Variants in UFL1 observed in about 807,000 individuals in gnomAD.
The protein encoded by UFL1 is E3 UFM1-protein ligase 1.
Under a neutral mutation model 99.3 loss-of-function variants are expected in UFL1, and 78 were observed. That is an observed-to-expected ratio of 0.79 (90% confidence interval 0.65 to 0.95). The LOEUF is 0.95. Among genes scored for constraint, UFL1 ranks in the 40% least tolerant of loss-of-function variants. The probability of loss-of-function intolerance (pLI) is 0.00; values close to 1 mark genes in which losing one functional copy is unlikely to be tolerated. For missense variants in UFL1, 936 were observed against 937.0 expected (o/e 1.00, Z 0.01); for synonymous variants, 335 against 322.2 (o/e 1.04, Z -0.42).
At chr6:96,534,169 T>C in intron 6 of UFL1, 94 bp from the exon 7 acceptor site, 1 of 819,086 alleles carries the variant, frequency 1.2e-6, no homozygotes, top group South Asian at 4.1e-5. Context: ...TTAAACAGTA[T>C]TTTTCTTAAA....
At chr6:96,530,881 G>A (rs1200255277) in intron 6 of UFL1, among the ~76,000 whole-genome samples, 2 of 152,274 alleles carry the variant, frequency 1.3e-5, no homozygotes, top group African/African-American at 4.8e-5. Flanking sequence ...TCTCAAAGTA[G>A]ACAAGCTAGC....
intron 12 of UFL1, among the ~76,000 whole-genome samples, chr6:96,546,512 A>G (rs1391593206): frequency 6.6e-6 from 1 of 151,532 alleles, no homozygotes; most frequent in African/African-American, 2.4e-5. Context: ...TTAGAAAAAT[A>G]CACTCCTAAA....
intron 12 of UFL1, among the ~76,000 whole-genome samples, chr6:96,543,260 T>C (rs774058556): frequency 6.6e-6 from 1 of 151,134 alleles, no homozygotes; most frequent in Non-Finnish European, 1.5e-5. Context: ...ATAAAGTAGC[T>C]CTTCAGTCCA....
intron 1 of UFL1, 75 bp from the exon 2 acceptor site, chr6:96,523,071 C>A: frequency 7.1e-7 from 1 of 1,412,298 alleles, no homozygotes. Flanking sequence ...AGCCTGTTTT[C>A]ATACATTGTA....
chr6:96,522,210 G>A (rs909855891), intron 1 of UFL1, among the ~76,000 whole-genome samples: 1 of 152,096 alleles, frequency 6.6e-6, no homozygotes, highest in Non-Finnish European at 1.5e-5. Context: ...ACCATGGACG[G>A]GGCCGGTGAT....
At chr6:96,532,211 C>G (rs1386813746) in intron 6 of UFL1, among the ~76,000 whole-genome samples, 2 of 152,126 alleles carry the variant, frequency 1.3e-5, no homozygotes, top group Non-Finnish European at 2.9e-5. Context: ...TTATTGAACA[C>G]CCACAATAAG....
intron 12 of UFL1, among the ~76,000 whole-genome samples, chr6:96,546,711 A>G (rs1770003561): frequency 6.6e-6 from 1 of 151,716 alleles, no homozygotes; most frequent in African/African-American, 2.4e-5. Context: ...AAATAAAGCC[A>G]CATATCTACA....
chr6:96,537,260 A>T, intron 8 of UFL1, 114 bp from the exon 9 acceptor site: 1 of 808,530 alleles, frequency 1.2e-6, no homozygotes, highest in Non-Finnish European at 1.8e-6. Context: ...TAGAGGAGTT[A>T]AGAAGGTAGA....
intron 14 of UFL1, 30 bp from the exon 15 acceptor site, chr6:96,549,639 T>TA (rs759503684): frequency 6.3e-7 from 1 of 1,592,530 alleles, no homozygotes; most frequent in South Asian, 1.2e-5. Flanking sequence ...GGGAATAAAT[T>TA]AGTTTTAATA....
In UFL1 at chr6:96,528,485, T is replaced by A; in HGVS notation, c.466-17T>A. 1 of 1,605,510 alleles carries A rather than the reference T, an allele frequency of 6.2e-7. No individual in the cohort carries two copies. Among genetic ancestry groups the A allele is most frequent in the South Asian group, 1.1e-5 (1 of 90,068 alleles). Reference sequence around the variant, plus strand: ...CTTTTCTTTTAAATTAATAAAAATGTACATCTTTACCCACAGGCACTAACT... The same window carrying A: ...CTTTTCTTTTAAATTAATAAAAATGAACATCTTTACCCACAGGCACTAACT... On this transcript the variant is annotated splice_polypyrimidine_tract_variant and intron_variant, in intron 5 of 18. Transcript: ENST00000369278.
rs1390967825 is a variant in UFL1, at chr6:96,523,404, G to A, written c.223+113G>A. The A allele has an allele frequency of 9.7e-6, 11 of 1,132,050 alleles. No homozygotes were observed. The East Asian group carries it at 2.9e-4, about 30-fold the overall frequency. 70.1% of individuals were successfully genotyped at this position (1,132,050 alleles called of 1,614,324 possible). On this transcript the variant is annotated intron_variant, in intron 2 of 18. Coordinates refer to ENST00000369278, the MANE Select transcript of UFL1 (RefSeq NM_015323.5). ...ACTAAATTATAGATTGTAAGATATC[G>A]TTTTCAATTGTTAATTTGATAATCA...
At position 96,552,660 on chromosome 6, in the gene UFL1, G is replaced by A; in HGVS notation, c.2164G>A (p.Glu722Lys). ...TGCTTTTCTTAATAGTAAAATTCCA[G>A]AGGTATTACATTTTCAATACACTTG... ...IIAFLNSKIP[E>K]DQHALLVKYQ... The change falls in exon 18 of 19, where the codon GAG becomes AAG. Residue 722 changes from glutamate (E) to lysine (K), a missense_variant and splice_region_variant. Glu to Lys is a moderately conservative substitution (Grantham distance 56). Transcript: ENST00000369278. 6.3e-7 allele frequency: 1 copy of A among 1,592,448 alleles called. No homozygotes were observed. Among genetic ancestry groups the A allele is most frequent in the Non-Finnish European group, 8.5e-7 (1 of 1,173,648 alleles).
chr6:96,544,905 T>A (rs1046210809), intron 12 of UFL1, among the ~76,000 whole-genome samples: 1 of 151,094 alleles, frequency 6.6e-6, no homozygotes, highest in African/African-American at 2.4e-5. Flanking sequence ...ATTCTACCTT[T>A]AAAAATATAA....
At chr6:96,551,386 G>A (rs182686364) in intron 15 of UFL1, 47 bp from the exon 16 acceptor site, 26 of 1,007,254 alleles carry the variant, frequency 2.6e-5, no homozygotes, top group Non-Finnish European at 3.7e-5. Flanking sequence ...TATATCCATT[G>A]CATGTCAAAA....
intron 12 of UFL1, among the ~76,000 whole-genome samples, chr6:96,547,776 A>C (rs1450225550): frequency 1.3e-5 from 2 of 151,250 alleles, no homozygotes; most frequent in Non-Finnish European, 3.0e-5. Context: ...CACACATGGA[A>C]AATAATAGAA....
intron 5 of UFL1, among the ~76,000 whole-genome samples, chr6:96,527,156 A>T (rs890736888): frequency 6.6e-6 from 1 of 152,016 alleles, no homozygotes; most frequent in African/African-American, 2.4e-5. Flanking sequence ...GTTTTTTTAG[A>T]ATCATAGAAA....
In UFL1 at chr6:96,523,126, A is replaced by G. The variant is rs1769644018; in HGVS notation, c.78-20A>G. The stretch of plus-strand genomic sequence containing the variant: ...ATGTCTCAAGTGGACTTTTGAAACA[A>G]CTTTTTTTCTTTCCCTCAGGTTGTC... On this transcript the variant is annotated intron_variant, in intron 1 of 18. Transcript: ENST00000369278. The G allele has an allele frequency of 1.9e-6, 3 of 1,582,108 alleles. No homozygotes were observed. Among genetic ancestry groups the G allele is most frequent in the South Asian group, 1.2e-5 (1 of 84,896 alleles).
intron 7 of UFL1, among the ~76,000 whole-genome samples, chr6:96,534,928 A>T (rs1769832914): frequency 6.6e-6 from 1 of 152,004 alleles, no homozygotes; most frequent in South Asian, 2.1e-4. Flanking sequence ...AATATCAAGT[A>T]TTGAACCAAA....
intron 8 of UFL1, 98 bp from the exon 9 acceptor site, chr6:96,537,276 C>A: frequency 9.3e-7 from 1 of 1,070,882 alleles, no homozygotes; most frequent in Non-Finnish European, 1.3e-6. Flanking sequence ...GTAGACATCT[C>A]TAATAACTTT....
Sources: gnomAD v4.1 joint callset for allele counts (sites outside exome capture counted in the v4.1 genomes callset) on GRCh38, gnomAD v4.1.1 for gene constraint, MANE v1.5 for transcripts, NCBI Gene and HGNC (gene_info 2026-07-23, HGNC 2026-07-21) for gene names.